The following SLF1 variants were observed in gnomAD, a reference collection of about 807,000 sequenced individuals.
SLF1 encodes the protein SMC5-SMC6 complex localization factor protein 1.
Under a neutral mutation model 123.0 loss-of-function variants are expected in SLF1, and 105 were observed. The observed-to-expected ratio is 0.85, with a 90% CI of 0.73 to 1.00. The LOEUF (loss-of-function observed/expected upper bound fraction) is 1.00, where lower values mean the gene tolerates loss of function less well. SLF1 is among the 50% of genes least tolerant of loss of function. SLF1 has a pLI of 0.00. For synonymous variants in SLF1, 434 were observed against 406.6 expected, an observed-to-expected ratio of 1.07 and a Z score of -0.81; for missense variants, 1,239 against 1,223.0, an observed-to-expected ratio of 1.01 and a Z score of -0.20.
intron 14 of SLF1, among the ~76,000 whole-genome samples, chr5:94,671,555 T>TA (rs1407879284): frequency 6.6e-6 from 1 of 151,778 alleles, no homozygotes; most frequent in Non-Finnish European, 1.5e-5. Context: ...GCATAATAAA[T>TA]ATTAGTCACC....
At chr5:94,649,003 A>C (rs1294338965) in intron 5 of SLF1, among the ~76,000 whole-genome samples, 1 of 152,176 alleles carries the variant, frequency 6.6e-6, no homozygotes, top group Non-Finnish European at 1.5e-5. Flanking sequence ...ATTGCTATTC[A>C]AGTAAGAGTA....
chr5:94,686,912 C>T lies in SLF1; in HGVS notation c.2121+194C>T, dbSNP rs538066879. Among the ~76,000 whole-genome samples, 16 of 152,282 alleles carry T rather than the reference C, an allele frequency of 1.1e-4. No individual in the cohort carries two copies. The East Asian group carries it at 2.3e-3, about 22-fold the overall frequency. On this transcript the variant is annotated intron_variant, in intron 16 of 20. Coordinates refer to ENST00000265140, the MANE Select transcript of SLF1 (RefSeq NM_032290.4). ...ATGGCATTCTCCTGCCTCAGCCTCC[C>T]GAGTAGCTGGGCTACAGGCGCCCAC...
chr5:94,644,400 C>G (rs1313649178), intron 5 of SLF1, among the ~76,000 whole-genome samples: 1 of 152,140 alleles, frequency 6.6e-6, no homozygotes, highest in African/African-American at 2.4e-5. Flanking sequence ...CAGTGGCTTC[C>G]CATTGCTCTT....
chr5:94,669,221 G>A (rs1345902540), intron 12 of SLF1, among the ~76,000 whole-genome samples: 1 of 152,090 alleles, frequency 6.6e-6, no homozygotes. Context: ...ATCTCTGACA[G>A]TTTTCAGAAA....
At chr5:94,646,993 A>T (rs1410577934) in intron 5 of SLF1, among the ~76,000 whole-genome samples, 1 of 152,110 alleles carries the variant, frequency 6.6e-6, no homozygotes, top group African/African-American at 2.4e-5. Flanking sequence ...ACTGTTTGGG[A>T]TAAATTTTGA....
At position 94,666,039 on chromosome 5, in the gene SLF1, A is replaced by G. The variant is rs1749713851; in HGVS notation, c.1532+15A>G. 3 of 1,534,334 alleles carry G rather than the reference A, an allele frequency of 2.0e-6. No homozygotes were observed. The highest frequency in any genetic ancestry group is 1.8e-6 in the Non-Finnish European group (2 of 1,138,866). ...GTCCTTATCAGGTAAGGAATTTCAC[A>G]TTTGACGATGCTACATTTCATTGAG... On this transcript the variant is annotated intron_variant, in intron 12 of 20. Coordinates refer to ENST00000265140, the MANE Select transcript of SLF1 (RefSeq NM_032290.4).
intron 12 of SLF1, among the ~76,000 whole-genome samples, chr5:94,669,920 CTTGAAAAA>C (rs1750246602): frequency 2.0e-5 from 3 of 151,888 alleles, no homozygotes; most frequent in African/African-American, 7.2e-5. Context: ...ATTATAATAA[CTTGAAAAA>C]TTGAGAAATT....
At chr5:94,648,159 A>C (rs1451734) in intron 5 of SLF1, among the ~76,000 whole-genome samples, 2 of 151,960 alleles carry the variant, frequency 1.3e-5, no homozygotes, top group Non-Finnish European at 2.9e-5. Context: ...TGCAAGTTAC[A>C]CTTAACAGAA....
rs547174764 is a variant in SLF1, at chr5:94,681,342, G to A, written c.1975+2387G>A. Among the ~76,000 whole-genome samples, 4 of 152,270 alleles carry A rather than the reference G, an allele frequency of 2.6e-5. No individual in the cohort carries two copies. The South Asian group carries it at 8.3e-4, about 32-fold the overall frequency. ...GATGGGGGTTTCACCATGTTTGCAA[G>A]GCTGGTCTCAAACTCCAGACCTCAG... On this transcript the variant is annotated intron_variant, in intron 15 of 20. Coordinates refer to ENST00000265140, the MANE Select transcript of SLF1 (RefSeq NM_032290.4).
chr5:94,626,055 C>T (rs965099619), intron 1 of SLF1, among the ~76,000 whole-genome samples: 4 of 151,628 alleles, frequency 2.6e-5, no homozygotes, highest in African/African-American at 7.3e-5. Context: ...AGATCGAGAC[C>T]GTCCTGGCTA....
At chr5:94,621,120 AC>A (rs1275757606) in intron 1 of SLF1, among the ~76,000 whole-genome samples, 2 of 152,108 alleles carry the variant, frequency 1.3e-5, no homozygotes, top group Non-Finnish European at 1.5e-5. Context: ...ATGTCTTCCC[AC>A]CCTTGTACTG....
chr5:94,670,736 G>C (rs2152490126), intron 13 of SLF1, 107 bp from the exon 14 acceptor site: 1 of 751,808 alleles, frequency 1.3e-6, no homozygotes, highest in African/African-American at 1.8e-5. Context: ...TATATTTTAT[G>C]ATCTATGTTC....
intron 1 of SLF1, among the ~76,000 whole-genome samples, chr5:94,623,124 A>G (rs1029124798): frequency 6.6e-6 from 1 of 152,176 alleles, no homozygotes; most frequent in African/African-American, 2.4e-5. Flanking sequence ...GTTTATAATA[A>G]ATAGTGTTCT....
intron 11 of SLF1, among the ~76,000 whole-genome samples, chr5:94,664,322 T>C (rs1373337222): frequency 7.9e-5 from 12 of 152,232 alleles, no homozygotes; most frequent in Admixed American, 7.9e-4. Flanking sequence ...AGAGGCAAGT[T>C]CCCTCTCTGT....
chr5:94,677,614 C>T (rs1751235987), intron 14 of SLF1, among the ~76,000 whole-genome samples: 2 of 152,068 alleles, frequency 1.3e-5, no homozygotes, highest in South Asian at 2.1e-4. Flanking sequence ...ATGCCTTTTA[C>T]CCAACTATTA....
intron 15 of SLF1, 67 bp downstream of exon 15, chr5:94,679,022 C>T (rs1751443438): frequency 9.6e-6 from 15 of 1,561,884 alleles, no homozygotes; most frequent in East Asian, 2.3e-5. Context: ...TTCTTTTAAG[C>T]AGTCTGTAAG....
chr5:94,660,950 C>T (rs1749028643), intron 9 of SLF1, among the ~76,000 whole-genome samples: 1 of 152,036 alleles, frequency 6.6e-6, no homozygotes, highest in African/African-American at 2.4e-5. Context: ...TGCTGGCCAC[C>T]TAGTTGCATT....
Position 94,661,063 on chromosome 5 carries a change from T to C in SLF1, c.1156-1235T>C, listed in dbSNP as rs937061139. 3.3e-5 allele frequency among the ~76,000 whole-genome samples: 5 copies of C among 152,242 alleles called. No homozygotes were observed. The East Asian group carries it at 5.8e-4, about 18-fold the overall frequency. ...TGTTGGGCCACAGAGCAGGATGTAG[T>C]CTGGTAGTGTCTGGGCTCTACCTGG... On this transcript the variant is annotated intron_variant, in intron 9 of 20. Coordinates refer to ENST00000265140, the MANE Select transcript of SLF1 (RefSeq NM_032290.4).
At position 94,639,037 on chromosome 5, in the gene SLF1, CTTTTTTT is replaced by C. The variant is rs764031689; in HGVS notation, c.432-4221_432-4215del. On this transcript the variant is annotated intron_variant, in intron 4 of 20. Transcript: ENST00000265140. The stretch of plus-strand genomic sequence containing the variant: ...TTTCTCATCTCTTTTCTTTTCTTCC[CTTTTTTT>C]TTTTTTTTTTTTTTGAGATGGAGTC... 1.0e-4 allele frequency among the ~76,000 whole-genome samples: 9 copies of C among 88,958 alleles called. 1 individual carries two copies. The highest frequency in any genetic ancestry group is 2.5e-4 in the African/African-American group (5 of 20,268). The allele number at this position is 88,958 out of a possible 152,430, so 58.4% of individuals were successfully genotyped here. A position where few individuals can be genotyped will look rare whatever the true frequency, so the allele number is the denominator to read the frequency against.
Sources: gnomAD v4.1 joint callset for allele counts (sites outside exome capture counted in the v4.1 genomes callset) on GRCh38, gnomAD v4.1.1 for gene constraint, MANE v1.5 for transcripts, NCBI Gene and HGNC (gene_info 2026-07-23, HGNC 2026-07-21) for gene names.